Variants in CYB5R4 observed in about 807,000 individuals in gnomAD.
CYB5R4 encodes the protein cytochrome b5 reductase 4, also known as N-terminal cytochrome b5 and cytochrome b5 oxidoreductase domain-containing protein.
CYB5R4 carries 55 observed loss-of-function variants against 70.2 expected under a neutral mutation model. The ratio of observed to expected loss-of-function variants is 0.78; its 90% CI spans 0.63 to 0.98. CYB5R4 has a LOEUF of 0.98. CYB5R4 is among the 50% of genes least tolerant of loss of function. The pLI, the probability that CYB5R4 is intolerant of heterozygous loss-of-function variation, is 0.00. For missense variants in CYB5R4, 562 were observed against 612.6 expected (o/e 0.92, Z 0.87); for synonymous variants, 197 against 199.5 (o/e 0.99, Z 0.11).
intron 2 of CYB5R4, among the ~76,000 whole-genome samples, chr6:83,867,267 G>A (rs756323334): frequency 7.9e-5 from 12 of 152,196 alleles, no homozygotes; most frequent in Non-Finnish European, 1.8e-4. Context: ...CACTCAGGTG[G>A]AAGGAAAGGC....
intron 1 of CYB5R4, among the ~76,000 whole-genome samples, chr6:83,860,216 CTTTTG>C (rs2099455720): frequency 6.6e-6 from 1 of 152,076 alleles, no homozygotes; most frequent in Admixed American, 6.6e-5. Flanking sequence ...TCTCCCTGGT[CTTTTG>C]TTCTTCACTG....
chr6:83,919,517 T>C, intron 7 of CYB5R4, 63 bp downstream of exon 7: 1 of 861,104 alleles, frequency 1.2e-6, no homozygotes, highest in Non-Finnish European at 1.8e-6. Flanking sequence ...GTACCAGGTC[T>C]TTTTCTAAAC....
At chr6:83,939,326 T>C (rs992828965) in intron 12 of CYB5R4, among the ~76,000 whole-genome samples, 1 of 152,204 alleles carries the variant, frequency 6.6e-6, no homozygotes, top group African/African-American at 2.4e-5. Flanking sequence ...AAGGTAATTT[T>C]CTCATATGAA....
chr6:83,955,548 A>G (rs1416042123), intron 15 of CYB5R4, 86 bp downstream of exon 15: 2 of 1,236,980 alleles, frequency 1.6e-6, no homozygotes, highest in Non-Finnish European at 2.2e-6. Flanking sequence ...CTTCCTGTTT[A>G]TATGAAACTG....
rs758032836 is a variant in CYB5R4 at position 83,940,111 on chromosome 6, A to G, written c.1164A>G (p.Gln388=). 1.4e-5 allele frequency: 23 copies of G among 1,612,060 alleles called. No homozygotes were observed. Among genetic ancestry groups the G allele is most frequent in the Non-Finnish European group, 1.9e-5 (22 of 1,178,916 alleles). ...PEGNFKISKF[Q]ELEDLFLLAA... ...GCAATTTTAAAATATCCAAGTTCCAAGAATTAGAAGATCTCTTTTTGTTGG... is the reference window on the plus strand; with the variant it reads ...GCAATTTTAAAATATCCAAGTTCCAGGAATTAGAAGATCTCTTTTTGTTGG... The change falls in exon 13 of 16, where the codon CAA becomes CAG. Residue 388 remains glutamine, a synonymous_variant. Coordinates refer to ENST00000369681, the MANE Select transcript of CYB5R4 (RefSeq NM_016230.4).
At chr6:83,865,865 A>C (rs772885333) in intron 2 of CYB5R4, among the ~76,000 whole-genome samples, 1 of 152,134 alleles carries the variant, frequency 6.6e-6, no homozygotes, top group Non-Finnish European at 1.5e-5. Flanking sequence ...CAGCTCCCCA[A>C]AGTTCCTCAG....
chr6:83,922,500 TGTACGTACATATACACATACCTACA>T lies in CYB5R4; in HGVS notation c.691+32_691+56del, dbSNP rs569396473. ...GCTACCAAAAACCAAAAATTATGTATGTACGTACATATACACATACCTACAGAGAGAGAGATACGAAAAAATTGAA... is the reference window on the plus strand; with the variant it reads ...GCTACCAAAAACCAAAAATTATGTATGAGAGAGAGATACGAAAAAATTGAA... On this transcript the variant is annotated intron_variant, in intron 9 of 15. Transcript: ENST00000369681. 587 of 1,540,602 alleles carry T rather than the reference TGTACGTACATATACACATACCTACA, an allele frequency of 3.8e-4. 2 individuals are homozygous for T. In the African/African-American group the frequency reaches 7.4e-3, roughly 19 times the overall value.
At chr6:83,944,783 C>A (rs774541540) in intron 14 of CYB5R4, among the ~76,000 whole-genome samples, 2 of 151,832 alleles carry the variant, frequency 1.3e-5, no homozygotes, top group Non-Finnish European at 2.9e-5. Context: ...GCAGGAGTTG[C>A]AATCCTAGTT....
At chr6:83,953,872 C>G (rs1206114170) in intron 14 of CYB5R4, among the ~76,000 whole-genome samples, 1 of 152,064 alleles carries the variant, frequency 6.6e-6, no homozygotes, top group Non-Finnish European at 1.5e-5. Context: ...CACTATCAGC[C>G]TACTTTAAAA....
At chr6:83,904,587 T>A (rs544631974) in intron 3 of CYB5R4, among the ~76,000 whole-genome samples, 6 of 152,216 alleles carry the variant, frequency 3.9e-5, no homozygotes, top group Non-Finnish European at 8.8e-5. Context: ...TTGTTGATTT[T>A]TCTCCCTAGA....
At chr6:83,875,644 G>C (rs1457009279) in intron 2 of CYB5R4, among the ~76,000 whole-genome samples, 3 of 152,186 alleles carry the variant, frequency 2.0e-5, no homozygotes, top group African/African-American at 7.2e-5. Context: ...ATAGGACAGA[G>C]TAGGGTGTTC....
At chr6:83,921,445 C>T (rs953788968) in intron 8 of CYB5R4, among the ~76,000 whole-genome samples, 1 of 152,154 alleles carries the variant, frequency 6.6e-6, no homozygotes, top group Non-Finnish European at 1.5e-5. Flanking sequence ...TAAAATCTCT[C>T]GTGCCTGACA....
At chr6:83,935,839 A>T (rs1271506025) in intron 11 of CYB5R4, among the ~76,000 whole-genome samples, 1 of 152,142 alleles carries the variant, frequency 6.6e-6, no homozygotes, top group Non-Finnish European at 1.5e-5. Context: ...TGTATAATTA[A>T]AATTATTAGG....
At chr6:83,919,760 CTGTGTGTGTGTG>C (rs58002492) in intron 7 of CYB5R4, among the ~76,000 whole-genome samples, 40 of 142,082 alleles carry the variant, frequency 2.8e-4, no homozygotes, top group African/African-American at 6.9e-4. Flanking sequence ...ATGTGTTTTT[CTGTGTGTGTGTG>C]TGTGTGTGTG....
chr6:83,909,029 T>C lies in CYB5R4; in HGVS notation c.351T>C (p.Tyr117=). 1 of 1,613,956 alleles carries C rather than the reference T, an allele frequency of 6.2e-7. No homozygotes were observed. Among genetic ancestry groups the C allele is most frequent in the Non-Finnish European group, 8.5e-7 (1 of 1,179,880 alleles). Residue 117 remains tyrosine, a synonymous_variant, in exon 4 of 16, where the codon TAT becomes TAC. Coordinates refer to ENST00000369681, the MANE Select transcript of CYB5R4 (RefSeq NM_016230.4). The part of the protein sequence containing the change: ...LFDQVHRWVN[Y]ESMLKECLVG... The stretch of plus-strand genomic sequence containing the variant: ...ACCAGGTTCATCGTTGGGTCAATTA[T>C]GAATCCATGCTGAAAGAATGCCTGG...
In CYB5R4 at chr6:83,918,046, G is replaced by T. The variant is rs2099465784; in HGVS notation, c.487G>T (p.Glu163Ter). The T allele has an allele frequency of 6.2e-7, 1 of 1,611,096 alleles. No individual in the cohort carries two copies. Residue 163 changes from glutamate to a stop codon, truncating the protein, a stop_gained, in exon 6 of 16, where the codon GAA becomes TAA. Transcript: ENST00000369681. LOFTEE classifies it high-confidence loss of function. ...KSQVTDTLAK[E>*]GPSYPSYDWF... ...CCAAGTGACAGATACACTTGCCAAA[G>T]AAGGTCCTAGTTATCCAAGGTATGC... is the stretch of plus-strand genomic sequence containing the variant.
intron 2 of CYB5R4, among the ~76,000 whole-genome samples, chr6:83,878,696 T>C (rs1227058834): frequency 6.6e-6 from 1 of 152,090 alleles, no homozygotes; most frequent in South Asian, 2.1e-4. Flanking sequence ...AGAAGAATAA[T>C]AGAAACTGTG....
chr6:83,904,990 A>C (rs541958541), intron 3 of CYB5R4, among the ~76,000 whole-genome samples: 1 of 147,820 alleles, frequency 6.8e-6, no homozygotes, highest in Non-Finnish European at 1.5e-5. Flanking sequence ...CCTTATGTTG[A>C]TATTGCACAT....
chr6:83,943,972 A>G (rs2099470175), intron 14 of CYB5R4, among the ~76,000 whole-genome samples: 1 of 152,058 alleles, frequency 6.6e-6, no homozygotes. Context: ...GGTGTACCTG[A>G]AAGTGACAGA....
Sources: gnomAD v4.1 joint callset for allele counts (sites outside exome capture counted in the v4.1 genomes callset) on GRCh38, gnomAD v4.1.1 for gene constraint, MANE v1.5 for transcripts, NCBI Gene and HGNC (gene_info 2026-07-23, HGNC 2026-07-21) for gene names.